Variants in PPP1R42 observed in about 807,000 individuals in gnomAD.
PPP1R42 encodes the protein leucine rich repeat containing 67.
Under a neutral mutation model 31.0 loss-of-function variants are expected in PPP1R42, and 34 were observed. That is an observed-to-expected ratio of 1.10 (90% CI 0.83 to 1.46). PPP1R42 has a LOEUF of 1.46. Among genes scored for constraint, PPP1R42 ranks in the 40% most tolerant of loss-of-function variants. The pLI is 0.00. For missense variants in PPP1R42, 268 were observed against 303.0 expected (o/e 0.88, Z 0.86); for synonymous variants, 103 against 109.8 (o/e 0.94, Z 0.39).
intron 1 of PPP1R42, among the ~76,000 whole-genome samples, chr8:67,021,835 C>T (rs1816228847): frequency 6.6e-6 from 1 of 152,006 alleles, no homozygotes; most frequent in Admixed American, 6.6e-5. Flanking sequence ...CTTTAGCTTT[C>T]TTTTCTGCTT....
chr8:66,976,275 T>C (rs775327161), intron 7 of PPP1R42, among the ~76,000 whole-genome samples: 3 of 152,166 alleles, frequency 2.0e-5, no homozygotes, highest in Non-Finnish European at 4.4e-5. Context: ...TCCTGCTGAC[T>C]CTGCGTTATG....
intron 7 of PPP1R42, among the ~76,000 whole-genome samples, chr8:66,980,692 C>A (rs1452626306): frequency 6.6e-6 from 1 of 152,148 alleles, no homozygotes; most frequent in African/African-American, 2.4e-5. Flanking sequence ...CCCCATTTCC[C>A]TTTTCCTATT....
chr8:67,009,120 A>G (rs1008274269), intron 5 of PPP1R42, among the ~76,000 whole-genome samples: 2 of 152,096 alleles, frequency 1.3e-5, no homozygotes, highest in African/African-American at 4.8e-5. Flanking sequence ...AAATACAAAA[A>G]TAAGCCAGGC....
intron 6 of PPP1R42, among the ~76,000 whole-genome samples, chr8:66,986,544 T>C (rs1815023164): frequency 2.0e-5 from 3 of 152,272 alleles, no homozygotes; most frequent in Admixed American, 6.5e-5. Flanking sequence ...GGGCCGCCAA[T>C]TCGTGCAGCC....
intron 5 of PPP1R42, among the ~76,000 whole-genome samples, chr8:67,007,599 G>C (rs1346575051): frequency 6.6e-6 from 1 of 152,098 alleles, no homozygotes; most frequent in Non-Finnish European, 1.5e-5. Context: ...GGCCTGCCTC[G>C]GCCTTCCAAA....
chr8:66,964,132 C>T lies in PPP1R42; in HGVS notation c.*189G>A, dbSNP rs1814318785. The T allele has an allele frequency of 2.4e-6, 1 of 419,786 alleles. No individual in the cohort carries two copies. Among genetic ancestry groups the T allele is most frequent in the South Asian group, 1.7e-5 (1 of 57,380 alleles). The allele number at this position is 419,786 out of a possible 1,614,324, so 26.0% of individuals were successfully genotyped here. A position where few individuals can be genotyped will look rare whatever the true frequency, so the allele number is the denominator to read the frequency against. On this transcript the variant is annotated 3_prime_UTR_variant, in exon 8 of 8. Transcript: ENST00000685739. The stretch of plus-strand genomic sequence containing the variant: ...AAGTTTTTCCTTATATTATGAGATA[C>T]CATAAAGCTACAAACCCACAAAAGA...
chr8:66,997,622 A>G (rs999609003), intron 5 of PPP1R42, among the ~76,000 whole-genome samples: 1 of 150,104 alleles, frequency 6.7e-6, no homozygotes, highest in Non-Finnish European at 1.5e-5. Context: ...TCATGGCCCA[A>G]TGTAGCCACG....
chr8:67,000,450 T>A (rs1285707405), intron 5 of PPP1R42, among the ~76,000 whole-genome samples: 1 of 152,206 alleles, frequency 6.6e-6, no homozygotes, highest in African/African-American at 2.4e-5. Flanking sequence ...TCATTTCATA[T>A]GGATTATGTT....
intron 6 of PPP1R42, chr8:66,984,779 G>T (rs565454906): frequency 1.2e-6 from 2 of 1,608,514 alleles, no homozygotes; most frequent in Admixed American, 1.7e-5. Flanking sequence ...CCTAATACTC[G>T]CATCAAATTA....
At chr8:67,020,925 T>C (rs1816197483) in intron 1 of PPP1R42, among the ~76,000 whole-genome samples, 1 of 152,222 alleles carries the variant, frequency 6.6e-6, no homozygotes, top group African/African-American at 2.4e-5. Flanking sequence ...CACTCCAGCC[T>C]GGGTGACAGA....
rs1450189214 is a variant in PPP1R42 at position 66,988,500 on chromosome 8, C to T, written c.570G>A (p.Leu190=). ...LLHVKDLEFL[L]NKLMKLWKID... ...TTTTCCACAGCTTCATCAACTTGTT[C>T]AGTAAAAACTCCAAATCCTATAATT... The change falls in exon 6 of 8, where the codon CTG becomes CTA. Residue 190 remains leucine, a synonymous_variant. Coordinates refer to ENST00000685739, the MANE Select transcript of PPP1R42 (RefSeq NM_001364910.1). 6.2e-7 allele frequency: 1 copy of T among 1,605,130 alleles called. No individual in the cohort carries two copies. The highest frequency in any genetic ancestry group is 1.3e-5 in the African/African-American group (1 of 74,326).
intron 7 of PPP1R42, among the ~76,000 whole-genome samples, chr8:66,981,499 C>T (rs1814834331): frequency 6.6e-6 from 1 of 151,836 alleles, no homozygotes; most frequent in Non-Finnish European, 1.5e-5. Context: ...CCTGCCTCAG[C>T]CTCCCAAGTA....
chr8:66,965,278 AAAAG>A (rs1814349266), intron 7 of PPP1R42, among the ~76,000 whole-genome samples: 1 of 151,582 alleles, frequency 6.6e-6, no homozygotes, highest in Non-Finnish European at 1.5e-5. Context: ...AAAAAAAAAA[AAAAG>A]AAAACCTTTG....
intron 5 of PPP1R42, among the ~76,000 whole-genome samples, chr8:66,990,728 GGAAAT>G (rs1563420698): frequency 6.6e-6 from 1 of 152,126 alleles, no homozygotes; most frequent in Non-Finnish European, 1.5e-5. Context: ...AATCTTTATC[GGAAAT>G]GTCTGGACCA....
chr8:67,012,290 TCCCATTTATGTGTCCTGC>T (rs1815865320), intron 4 of PPP1R42, among the ~76,000 whole-genome samples: 1 of 152,146 alleles, frequency 6.6e-6, no homozygotes, highest in South Asian at 2.1e-4. Context: ...AACTACCATG[TCCCATTTATGTGTCCTGC>T]CCCAGAATTA....
intron 5 of PPP1R42, among the ~76,000 whole-genome samples, chr8:67,000,828 T>G: frequency 6.6e-6 from 1 of 152,382 alleles, no homozygotes; most frequent in East Asian, 1.9e-4. Flanking sequence ...TGGTTGGTTA[T>G]GTTATACCTA....
chr8:66,989,789 G>A (rs1028991581), intron 5 of PPP1R42, among the ~76,000 whole-genome samples: 2 of 151,980 alleles, frequency 1.3e-5, no homozygotes, highest in Non-Finnish European at 2.9e-5. Context: ...AAACTTCCTG[G>A]CACTGCTGCT....
At chr8:66,996,784 G>A (rs1815344719) in intron 5 of PPP1R42, among the ~76,000 whole-genome samples, 2 of 152,176 alleles carry the variant, frequency 1.3e-5, no homozygotes, top group Non-Finnish European at 2.9e-5. Flanking sequence ...AAAGGGTGAA[G>A]GTTCACTTTT....
At chr8:66,978,273 C>T (rs1301142112) in intron 7 of PPP1R42, among the ~76,000 whole-genome samples, 1 of 152,108 alleles carries the variant, frequency 6.6e-6, no homozygotes, top group Non-Finnish European at 1.5e-5. Flanking sequence ...ATCATCAGAT[C>T]TCATGAGACT....
Sources: allele counts gnomAD v4.1 joint callset (sites outside exome capture counted in the v4.1 genomes callset), GRCh38; gene constraint gnomAD v4.1.1; transcripts MANE v1.5; gene names NCBI Gene and HGNC (gene_info 2026-07-23, HGNC 2026-07-21).